Variants in SLC67A1 observed in about 807,000 individuals in gnomAD.
The protein encoded by SLC67A1 is solute carrier family 67 member 1.
chr11:2,909,724 G>T, the SLC67A1 span: 1 of 1,486,536 alleles, frequency 6.7e-7, no homozygotes, highest in Non-Finnish European at 8.9e-7. Flanking sequence ...AGTGGTGGGG[G>T]CCGGGGCGGA....
At chr11:2,903,294 G>A in the SLC67A1 span, 36 of 1,589,604 alleles carry the variant, frequency 2.3e-5, no homozygotes, top group Middle Eastern at 3.8e-4. Context: ...CCCCTGCTCC[G>A]CCAGCCTCCT....
the SLC67A1 span, among the ~76,000 whole-genome samples, chr11:2,923,186 G>A: frequency 2.6e-5 from 4 of 152,180 alleles, no homozygotes. This position sits in a 1 kb window ranked among gnomAD's most constrained non-coding sequence, Gnocchi z 6.5. Context: ...CCAGTGCAGG[G>A]GGCTCCTGTG....
chr11:2,911,635 C>T, the SLC67A1 span, among the ~76,000 whole-genome samples: 1 of 152,164 alleles, frequency 6.6e-6, no homozygotes, highest in East Asian at 1.9e-4. Context: ...CTGCCGCCTC[C>T]TTCCCTGGCC....
chr11:2,911,035 T>G, the SLC67A1 span, among the ~76,000 whole-genome samples: 1 of 152,050 alleles, frequency 6.6e-6, no homozygotes, highest in African/African-American at 2.4e-5. Context: ...CAAGGGCCAC[T>G]GGATTTGTGG....
chr11:2,917,676 G>A, the SLC67A1 span, among the ~76,000 whole-genome samples: 110 of 152,224 alleles, frequency 7.2e-4, no homozygotes, highest in African/African-American at 2.6e-3. Context: ...AGGGACTGCC[G>A]CAGGCCTCCG....
chr11:2,913,556 C>T, the SLC67A1 span, among the ~76,000 whole-genome samples: 3 of 152,162 alleles, frequency 2.0e-5, no homozygotes, highest in East Asian at 1.9e-4. Flanking sequence ...ACGGCAGCTG[C>T]GTTAGGAGTG....
At chr11:2,902,572 T>TG in the SLC67A1 span, 1 of 985,318 alleles carries the variant, frequency 1.0e-6, no homozygotes, top group Non-Finnish European at 1.2e-6. Flanking sequence ...CCCACCAGCC[T>TG]GGGTTCGGTA....
the SLC67A1 span, among the ~76,000 whole-genome samples, chr11:2,905,397 G>T: frequency 0.7 from 106,861 of 151,964 alleles, 37,854 homozygotes; most frequent in East Asian, 0.79. Context: ...GCAGTGTGGG[G>T]TCAATGGGGA....
chr11:2,915,502 G>A, the SLC67A1 span, among the ~76,000 whole-genome samples: 1 of 152,194 alleles, frequency 6.6e-6, no homozygotes, highest in South Asian at 2.1e-4. Context: ...TGTGCTGCGT[G>A]TGTGAATGGC....
the SLC67A1 span, chr11:2,908,270 T>G: frequency 6.2e-7 from 1 of 1,613,954 alleles, no homozygotes; most frequent in Non-Finnish European, 8.5e-7. Flanking sequence ...TCCATTGCCT[T>G]CGGCTACCTG....
chr11:2,902,327 A>C, the SLC67A1 span: 1 of 152,338 alleles, frequency 6.6e-6, no homozygotes, highest in Admixed American at 6.5e-5. Flanking sequence ...CGCTCACCCC[A>C]CCGGCACCCG....
the SLC67A1 span, chr11:2,922,303 GC>G: frequency 4.0e-6 from 6 of 1,503,740 alleles, no homozygotes; most frequent in Admixed American, 1.8e-5. Flanking sequence ...GACTCCTCCA[GC>G]CCCCCACACC....
chr11:2,899,839 G>A, the SLC67A1 span: 96 of 934,486 alleles, frequency 1.0e-4, no homozygotes, highest in East Asian at 1.2e-3. Context: ...ACACCTCAGC[G>A]CCAGAGGACC....
At chr11:2,908,420 C>T in the SLC67A1 span, 1 of 957,924 alleles carries the variant, frequency 1.0e-6, no homozygotes, top group South Asian at 1.6e-5. Flanking sequence ...GGTTCCCTGA[C>T]CCCACACCGG....
At chr11:2,924,308 C>G in the SLC67A1 span, among the ~76,000 whole-genome samples, 11 of 152,234 alleles carry the variant, frequency 7.2e-5, 1 homozygote, top group East Asian at 2.1e-3. The surrounding 1 kb of genome is among the most constrained non-coding windows in gnomAD (Gnocchi z 8.6). Flanking sequence ...TGGAGGGGCC[C>G]TGCATGGGCT....
At chr11:2,918,187 C>T in the SLC67A1 span, 2 of 904,956 alleles carry the variant, frequency 2.2e-6, no homozygotes, top group Non-Finnish European at 3.4e-6. Flanking sequence ...CTGTGCCCCA[C>T]AGGTCCACAC....
At chr11:2,903,387 C>T in the SLC67A1 span, 38 of 1,612,956 alleles carry the variant, frequency 2.4e-5, no homozygotes, top group East Asian at 4.5e-5. Flanking sequence ...GCCGGTCCCC[C>T]GGCAGGATGA....
chr11:2,920,871 A>G, the SLC67A1 span: 123 of 152,320 alleles, frequency 8.1e-4, 1 homozygote, highest in African/African-American at 2.7e-3. Flanking sequence ...CACGGCACTC[A>G]CTGTGAGCCC....
chr11:2,905,192 C>T, the SLC67A1 span, among the ~76,000 whole-genome samples: 9 of 152,152 alleles, frequency 5.9e-5, no homozygotes, highest in Non-Finnish European at 1.2e-4. Flanking sequence ...AGCATGGAGA[C>T]GGTCATGGGC....
Sources: gnomAD v4.1 joint callset for allele counts (sites outside exome capture counted in the v4.1 genomes callset) on GRCh38, gnomAD v4.1.1 for gene constraint, Gnocchi (gnomAD v3.1) non-coding constraint, MANE v1.5 for transcripts, NCBI Gene and HGNC (gene_info 2026-07-23, HGNC 2026-07-21) for gene names.